Variants in GPC6 observed in about 807,000 individuals in gnomAD.
GPC6 encodes glypican 6, also known as glypican-6.
A neutral mutation model predicts 55.2 loss-of-function variants in GPC6; 14 were observed. The ratio of observed to expected loss-of-function variants is 0.25; its 90% CI spans 0.17 to 0.40. The LOEUF (loss-of-function observed/expected upper bound fraction) is 0.40. GPC6 is among the 10% of genes least tolerant of loss of function. GPC6 has a pLI of 1.00. For missense variants in GPC6, 641 were observed against 708.5 expected, an observed-to-expected ratio of 0.90 and a Z score of 1.08; for synonymous variants, 278 against 259.6, an observed-to-expected ratio of 1.07 and a Z score of -0.68.
intron 1 of GPC6, among the ~76,000 whole-genome samples, chr13:93,250,626 C>T (rs1876756287): frequency 6.6e-6 from 1 of 152,126 alleles, no homozygotes; most frequent in South Asian, 2.1e-4. Context: ...CTAGGGATTG[C>T]TGAGCCAGAC....
At chr13:94,139,386 G>A (rs962262400) in intron 4 of GPC6, among the ~76,000 whole-genome samples, 2 of 152,168 alleles carry the variant, frequency 1.3e-5, no homozygotes, top group Admixed American at 1.3e-4. Flanking sequence ...TATTTGTCCT[G>A]TATTAATATC....
At chr13:93,461,652 C>T (rs983236122) in intron 1 of GPC6, among the ~76,000 whole-genome samples, 1 of 89,046 alleles carries the variant, frequency 1.1e-5, no homozygotes, top group African/African-American at 4.0e-5. Flanking sequence ...GCTGAAGATA[C>T]TAGGTCCCGG....
intron 5 of GPC6, 23 bp downstream of exon 5, chr13:94,286,502 T>G (rs1451311816): frequency 1.9e-6 from 3 of 1,598,934 alleles, no homozygotes; most frequent in Middle Eastern, 1.7e-4. Flanking sequence ...GTAATGTATC[T>G]GCCAATACAT....
chr13:93,240,541 A>G (rs1488574794), intron 1 of GPC6, among the ~76,000 whole-genome samples: 5 of 152,028 alleles, frequency 3.3e-5, no homozygotes, highest in Non-Finnish European at 7.4e-5. Context: ...TTACAAGTTA[A>G]GTGGGTCTCT....
intron 1 of GPC6, among the ~76,000 whole-genome samples, chr13:93,393,127 T>TATATAGAG (rs1230857277): frequency 2.7e-3 from 240 of 87,602 alleles, no homozygotes; most frequent in East Asian, 0.021. Context: ...TATATATATA[T>TATATAGAG]AGAGAGAGAG....
At chr13:94,158,663 T>C (rs1244136266) in intron 4 of GPC6, among the ~76,000 whole-genome samples, 1 of 151,848 alleles carries the variant, frequency 6.6e-6, no homozygotes, top group Non-Finnish European at 1.5e-5. Context: ...AGAAGAAAAA[T>C]AAGACAGAGG....
At chr13:93,885,799 T>C (rs1268027276) in intron 3 of GPC6, among the ~76,000 whole-genome samples, 1 of 152,178 alleles carries the variant, frequency 6.6e-6, no homozygotes, top group Non-Finnish European at 1.5e-5. Context: ...TAAATCTCTT[T>C]ATATAAATTT....
At chr13:93,420,244 T>C (rs963122401) in intron 1 of GPC6, among the ~76,000 whole-genome samples, 1 of 152,220 alleles carries the variant, frequency 6.6e-6, no homozygotes, top group African/African-American at 2.4e-5. Context: ...TTTCTGTTTC[T>C]TTATAAATAT....
intron 1 of GPC6, among the ~76,000 whole-genome samples, chr13:93,457,039 C>G (rs1252902832): frequency 1.3e-5 from 2 of 152,310 alleles, no homozygotes; most frequent in Middle Eastern, 3.4e-3. Flanking sequence ...ACTCCGCTCT[C>G]ATTCTCTCTC....
chr13:94,369,714 A>G (rs1879449161), intron 6 of GPC6, among the ~76,000 whole-genome samples: 1 of 152,060 alleles, frequency 6.6e-6, no homozygotes, highest in African/African-American at 2.4e-5. Context: ...AATCCTAATT[A>G]GAAGATTGGG....
chr13:93,243,177 G>A (rs751734519), intron 1 of GPC6, among the ~76,000 whole-genome samples: 3 of 152,182 alleles, frequency 2.0e-5, no homozygotes, highest in Non-Finnish European at 2.9e-5. Context: ...GATGCCAAGA[G>A]CATTCCCACC....
At chr13:94,235,266 G>C (rs561830615) in intron 4 of GPC6, among the ~76,000 whole-genome samples, 1 of 152,174 alleles carries the variant, frequency 6.6e-6, no homozygotes, top group East Asian at 1.9e-4. Flanking sequence ...ACTCACATCA[G>C]GTATAATGAA....
intron 4 of GPC6, among the ~76,000 whole-genome samples, chr13:94,104,729 G>T (rs1322969236): frequency 6.6e-6 from 1 of 152,008 alleles, no homozygotes; most frequent in Non-Finnish European, 1.5e-5. Flanking sequence ...GCTTCAAAGA[G>T]AATAAAATAC....
intron 2 of GPC6, among the ~76,000 whole-genome samples, chr13:93,591,311 A>T (rs1036974940): frequency 6.6e-6 from 1 of 152,050 alleles, no homozygotes; most frequent in Non-Finnish European, 1.5e-5. Flanking sequence ...AAAATACAAA[A>T]AAATTAGCCG....
intron 6 of GPC6, among the ~76,000 whole-genome samples, chr13:94,318,344 A>G: frequency 6.6e-6 from 1 of 152,166 alleles, no homozygotes; most frequent in African/African-American, 2.4e-5. Flanking sequence ...CACCCATAGT[A>G]CCAAACCCTA....
chr13:93,687,901 T>A (rs541212120), intron 2 of GPC6, among the ~76,000 whole-genome samples: 2 of 151,854 alleles, frequency 1.3e-5, no homozygotes, highest in Non-Finnish European at 2.9e-5. Context: ...TTGGCTTTTT[T>A]TTTTATGAGA....
At chr13:94,357,289 C>A (rs1003205327) in intron 6 of GPC6, among the ~76,000 whole-genome samples, 4 of 152,136 alleles carry the variant, frequency 2.6e-5, no homozygotes, top group African/African-American at 9.7e-5. Context: ...CCACATGAGC[C>A]TTTCAACATG....
intron 4 of GPC6, among the ~76,000 whole-genome samples, chr13:94,091,730 A>G (rs1885483926): frequency 6.6e-6 from 1 of 152,092 alleles, no homozygotes; most frequent in Non-Finnish European, 1.5e-5. Context: ...TTAAAATATG[A>G]AAGATGATGA....
chr13:93,650,995 A>G (rs1880385637), intron 2 of GPC6, among the ~76,000 whole-genome samples: 1 of 152,180 alleles, frequency 6.6e-6, no homozygotes, highest in Admixed American at 6.5e-5. Context: ...AGCATTAAGT[A>G]TATGTGAAAA....
Sources: gnomAD v4.1 joint callset for allele counts (sites outside exome capture counted in the v4.1 genomes callset) on GRCh38, gnomAD v4.1.1 for gene constraint, MANE v1.5 for transcripts, NCBI Gene and HGNC (gene_info 2026-07-23, HGNC 2026-07-21) for gene names.